Variants in ZBTB7C observed in about 807,000 individuals in gnomAD.
The protein encoded by ZBTB7C is zinc finger and BTB domain containing 7C.
ZBTB7C carries 8 observed loss-of-function variants against 25.7 expected under a neutral mutation model. That is an observed-to-expected ratio of 0.31 (90% CI 0.18 to 0.56). The LOEUF is 0.56. Among genes scored for constraint, ZBTB7C ranks in the 20% least tolerant of loss-of-function variants. ZBTB7C has a pLI of 0.91. For missense variants in ZBTB7C, 824 were observed against 855.2 expected (o/e 0.96, Z 0.46); for synonymous variants, 394 against 369.0 (o/e 1.07, Z -0.78).
intron 2 of ZBTB7C, among the ~76,000 whole-genome samples, chr18:48,210,415 T>C (rs12965658): frequency 2.0e-5 from 3 of 152,158 alleles, no homozygotes; most frequent in Non-Finnish European, 4.4e-5. Context: ...TGTCCATCAA[T>C]TGATGAATGA....
At chr18:48,123,755 A>G (rs1207980280) in intron 3 of ZBTB7C, among the ~76,000 whole-genome samples, 1 of 152,258 alleles carries the variant, frequency 6.6e-6, no homozygotes, top group Non-Finnish European at 1.5e-5. Context: ...CAGTATAAGA[A>G]TGGTGAATAT....
intron 2 of ZBTB7C, among the ~76,000 whole-genome samples, chr18:48,315,349 G>T (rs963714063): frequency 6.6e-5 from 10 of 152,150 alleles, no homozygotes. Context: ...GGTTTTCTGT[G>T]ATCTAGTGAG....
chr18:48,173,906 T>C (rs2145046957), intron 3 of ZBTB7C, among the ~76,000 whole-genome samples: 1 of 152,276 alleles, frequency 6.6e-6, no homozygotes, highest in African/African-American at 2.4e-5. Context: ...CCTGTCCCCA[T>C]CCTAAAATCA....
intron 2 of ZBTB7C, among the ~76,000 whole-genome samples, chr18:48,198,243 C>CA (rs1174170384): frequency 6.6e-6 from 1 of 152,132 alleles, no homozygotes; most frequent in Non-Finnish European, 1.5e-5. Context: ...AGAATCACCC[C>CA]ATCTAGAGTT....
intron 4 of ZBTB7C, among the ~76,000 whole-genome samples, chr18:48,030,588 G>T (rs1347165628): frequency 6.6e-6 from 1 of 152,224 alleles, no homozygotes; most frequent in Non-Finnish European, 1.5e-5. Context: ...GCAAAACTTT[G>T]CAGGGTTTAA....
intron 2 of ZBTB7C, among the ~76,000 whole-genome samples, chr18:48,323,325 G>T (rs957584868): frequency 1.3e-5 from 2 of 152,218 alleles, no homozygotes; most frequent in Non-Finnish European, 2.9e-5. Flanking sequence ...CTGGTACTAT[G>T]ATAAGTGCCT....
chr18:48,272,260 C>T (rs1166486808), intron 2 of ZBTB7C, among the ~76,000 whole-genome samples: 1 of 152,170 alleles, frequency 6.6e-6, no homozygotes, highest in African/African-American at 2.4e-5. Flanking sequence ...CAAAGTAGGA[C>T]AAAAGGGTGC....
chr18:48,328,754 G>T (rs1348872297), intron 2 of ZBTB7C, among the ~76,000 whole-genome samples: 1 of 152,144 alleles, frequency 6.6e-6, no homozygotes, highest in Non-Finnish European at 1.5e-5. Flanking sequence ...ATTTTTAGGG[G>T]AGGAGGGTTC....
At chr18:48,270,583 G>A (rs1201427526) in intron 2 of ZBTB7C, among the ~76,000 whole-genome samples, 2 of 150,902 alleles carry the variant, frequency 1.3e-5, no homozygotes, top group African/African-American at 2.4e-5. Flanking sequence ...CCAGCTACTT[G>A]GGAGGCTGAG....
chr18:48,163,539 C>G (rs961152725), intron 3 of ZBTB7C, among the ~76,000 whole-genome samples: 1 of 152,166 alleles, frequency 6.6e-6, no homozygotes, highest in African/African-American at 2.4e-5. Flanking sequence ...CAAAGTAGCT[C>G]AGGAAGACCA....
intron 2 of ZBTB7C, among the ~76,000 whole-genome samples, chr18:48,263,309 G>A (rs67078019): frequency 0.052 from 7,894 of 152,274 alleles, 216 homozygotes; most frequent in African/African-American, 0.067. Context: ...CACCACTCAC[G>A]TGGCACCAGC....
intron 2 of ZBTB7C, among the ~76,000 whole-genome samples, chr18:48,249,376 G>C (rs372738507): frequency 3.3e-4 from 51 of 152,240 alleles, no homozygotes; most frequent in South Asian, 1.0e-3. Flanking sequence ...AACATTAAGG[G>C]GAATGGTTTA....
rs1160933911 is a variant in ZBTB7C at position 48,034,295 on chromosome 18, C to T, written c.1209-4384G>A. Among the ~76,000 whole-genome samples the T allele has an allele frequency of 2.0e-5, 3 of 152,132 alleles. No homozygotes were observed. The East Asian group carries it at 5.8e-4, about 29-fold the overall frequency. ...GCCCCCCATGGTACGCTGCCCCACA[C>T]TCTGGGCAACTCTGCATCTTTGAAC... On this transcript the variant is annotated intron_variant, in intron 4 of 4. Transcript: ENST00000590800.
At chr18:48,117,823 C>G (rs1009896712) in intron 3 of ZBTB7C, among the ~76,000 whole-genome samples, 31 of 152,044 alleles carry the variant, frequency 2.0e-4, no homozygotes, top group African/African-American at 6.3e-4. Context: ...ATTTCTATTC[C>G]TTCCAGAAGA....
intron 2 of ZBTB7C, among the ~76,000 whole-genome samples, chr18:48,282,114 T>C (rs1260938415): frequency 1.3e-5 from 2 of 150,502 alleles, no homozygotes; most frequent in African/African-American, 4.9e-5. Flanking sequence ...ATATACACCA[T>C]GGAATACTAT....
intron 2 of ZBTB7C, among the ~76,000 whole-genome samples, chr18:48,298,217 T>C (rs1235814813): frequency 1.3e-5 from 2 of 150,920 alleles, no homozygotes. Context: ...CAAGTGGAGG[T>C]TGCAGTGAGC....
At chr18:48,155,408 A>G (rs1239202577) in intron 3 of ZBTB7C, among the ~76,000 whole-genome samples, 2 of 142,654 alleles carry the variant, frequency 1.4e-5, no homozygotes, top group African/African-American at 5.2e-5. Context: ...GCTCACTGCA[A>G]GCTCCGCCCC....
At chr18:48,406,734 A>G (rs2048291368) in intron 1 of ZBTB7C, among the ~76,000 whole-genome samples, 1 of 152,222 alleles carries the variant, frequency 6.6e-6, no homozygotes, top group African/African-American at 2.4e-5. Context: ...AAAGCAATCA[A>G]ACTTACAAAA....
chr18:48,347,053 G>T (rs1477234626), intron 1 of ZBTB7C, among the ~76,000 whole-genome samples: 1 of 151,136 alleles, frequency 6.6e-6, no homozygotes, highest in Non-Finnish European at 1.5e-5. Context: ...AAAGTGCTGG[G>T]ATTACAGGCA....
Sources: allele counts gnomAD v4.1 joint callset (sites outside exome capture counted in the v4.1 genomes callset), GRCh38; gene constraint gnomAD v4.1.1; transcripts MANE v1.5; gene names NCBI Gene and HGNC (gene_info 2026-07-23, HGNC 2026-07-21).